Variants in HPSE2 observed in about 807,000 individuals in gnomAD.
The protein encoded by HPSE2 is inactive heparanase-2.
In HPSE2, 38 loss-of-function variants were observed where a neutral mutation model predicts 60.5. The ratio of observed to expected loss-of-function variants is 0.63; its 90% CI spans 0.48 to 0.82. The LOEUF (loss-of-function observed/expected upper bound fraction) is 0.82. HPSE2 is among the 40% of genes least tolerant of loss of function. HPSE2 has a pLI of 0.00. For missense variants in HPSE2, 713 were observed against 740.4 expected, an observed-to-expected ratio of 0.96 and a Z score of 0.43; for synonymous variants, 295 against 293.2, an observed-to-expected ratio of 1.01 and a Z score of -0.06.
chr10:98,482,645 A>T lies in HPSE2; in HGVS notation c.1604T>A (p.Leu535Gln). The change falls in exon 11 of 12, where the codon CTA (leucine) becomes CAA (glutamine). Residue 535 changes from leucine to glutamine, a missense_variant. Coordinates refer to ENST00000370552, the MANE Select transcript of HPSE2 (RefSeq NM_021828.5). ...YLLQPYGQEG[L>Q]KSKSVQLNGQ... Reference sequence around the variant, plus strand: ...TCAGGTTGGCACGTACTTGGACTTTAGGCCCTCCTGCCCATAGGGCTGCAG... The same window carrying T: ...TCAGGTTGGCACGTACTTGGACTTTTGGCCCTCCTGCCCATAGGGCTGCAG... 6.2e-7 allele frequency: 1 copy of T among 1,614,118 alleles called. No homozygotes were observed. Among genetic ancestry groups the T allele is most frequent in the Non-Finnish European group, 8.5e-7 (1 of 1,180,026 alleles).
At chr10:99,194,327 A>G (rs1000548532) in intron 2 of HPSE2, among the ~76,000 whole-genome samples, 2 of 151,966 alleles carry the variant, frequency 1.3e-5, no homozygotes, top group Middle Eastern at 3.2e-3. Context: ...AAAAGTAGAA[A>G]AACTTCAGAT....
At position 99,183,588 on chromosome 10, in the gene HPSE2, T is replaced by C. The variant is rs181806321; in HGVS notation, c.449-39189A>G. Among the ~76,000 whole-genome samples the C allele has an allele frequency of 1.4e-4, 21 of 152,334 alleles. No homozygotes were observed. The East Asian group carries it at 3.9e-3, about 28-fold the overall frequency. Reference sequence around the variant, plus strand: ...ATTGTTACATTTCTTCCCTGCTATATAAACCCCTAATTTTAGTCAATCAGG... The same window carrying C: ...ATTGTTACATTTCTTCCCTGCTATACAAACCCCTAATTTTAGTCAATCAGG... On this transcript the variant is annotated intron_variant, in intron 2 of 11. Transcript: ENST00000370552.
intron 3 of HPSE2, among the ~76,000 whole-genome samples, chr10:98,942,093 A>G (rs1349992195): frequency 7.0e-6 from 1 of 142,586 alleles, no homozygotes; most frequent in African/African-American, 2.9e-5. Flanking sequence ...GATGGATTAA[A>G]GACTTAAACA....
At chr10:98,523,720 A>G (rs1259751065) in intron 9 of HPSE2, among the ~76,000 whole-genome samples, 2 of 152,234 alleles carry the variant, frequency 1.3e-5, no homozygotes, top group African/African-American at 2.4e-5. Flanking sequence ...TTTTAAACAT[A>G]TAAGTGGGAT....
intron 3 of HPSE2, among the ~76,000 whole-genome samples, chr10:98,990,464 G>C (rs1196156662): frequency 2.0e-5 from 3 of 152,156 alleles, no homozygotes; most frequent in Non-Finnish European, 4.4e-5. Context: ...CCAAGTGATG[G>C]GGAGTGGCTG....
At chr10:99,089,932 G>C (rs985245570) in intron 3 of HPSE2, among the ~76,000 whole-genome samples, 1 of 152,008 alleles carries the variant, frequency 6.6e-6, no homozygotes, top group Non-Finnish European at 1.5e-5. Flanking sequence ...TTTTTCTGCA[G>C]CTATTGTAAA....
intron 6 of HPSE2, among the ~76,000 whole-genome samples, chr10:98,693,165 A>G (rs986936050): frequency 2.0e-5 from 3 of 152,220 alleles, no homozygotes; most frequent in Admixed American, 2.0e-4. Context: ...TAGACAAGAG[A>G]TGATTTGGAA....
At chr10:98,934,202 C>G (rs1472594805) in intron 3 of HPSE2, among the ~76,000 whole-genome samples, 3 of 144,300 alleles carry the variant, frequency 2.1e-5, no homozygotes, top group Non-Finnish European at 4.5e-5. Context: ...GAATACAGCA[C>G]ACCAACAGGT....
intron 9 of HPSE2, among the ~76,000 whole-genome samples, chr10:98,545,295 C>T (rs1943628816): frequency 6.6e-6 from 1 of 152,106 alleles, no homozygotes; most frequent in Admixed American, 6.6e-5. Context: ...TCCTCCCTAA[C>T]TCATTTTATG....
At chr10:99,179,323 T>C (rs1847661969) in intron 2 of HPSE2, among the ~76,000 whole-genome samples, 1 of 152,162 alleles carries the variant, frequency 6.6e-6, no homozygotes, top group South Asian at 2.1e-4. Context: ...AAAGAGGAAG[T>C]CAAATTGTCC....
chr10:98,840,909 G>T (rs1565202313), intron 3 of HPSE2, among the ~76,000 whole-genome samples: 1 of 152,070 alleles, frequency 6.6e-6, no homozygotes. Context: ...CACAATTCTT[G>T]GTTCATGACA....
chr10:98,615,124 A>C lies in HPSE2; in HGVS notation c.1206-106T>G, dbSNP rs533376900. On this transcript the variant is annotated intron_variant, in intron 8 of 11. Transcript: ENST00000370552. ...TACACATATACACCAATCTCCAGTC[A>C]CCAAATTTACCTAGTACTTTAAAAA... 5.2e-6 allele frequency: 4 copies of C among 768,652 alleles called. No homozygotes were observed. The South Asian group carries it at 5.7e-5, about 11-fold the overall frequency. 47.6% of individuals were successfully genotyped at this position (768,652 alleles called of 1,614,324 possible).
chr10:99,168,127 C>CACACAT (rs59686037), intron 2 of HPSE2, among the ~76,000 whole-genome samples: 143 of 145,790 alleles, frequency 9.8e-4, no homozygotes, highest in African/African-American at 3.5e-3. Context: ...CACACACACA[C>CACACAT]GGCTTTGTAG....
chr10:98,943,387 A>T (rs899239836), intron 3 of HPSE2, among the ~76,000 whole-genome samples: 15 of 152,104 alleles, frequency 9.9e-5, no homozygotes, highest in Admixed American at 7.9e-4. Flanking sequence ...TATATTACCT[A>T]TTAAAATAGC....
intron 3 of HPSE2, among the ~76,000 whole-genome samples, chr10:98,926,353 C>T (rs1013040223): frequency 7.9e-5 from 12 of 151,968 alleles, no homozygotes; most frequent in Admixed American, 1.3e-4. Context: ...TTAAATATAA[C>T]CAGATGGTAG....
At chr10:98,943,827 G>A (rs962302116) in intron 3 of HPSE2, among the ~76,000 whole-genome samples, 50 of 152,086 alleles carry the variant, frequency 3.3e-4, no homozygotes, top group African/African-American at 1.2e-3. Flanking sequence ...TTGAGCCTTC[G>A]GATTAGACTG....
At chr10:99,032,895 C>A (rs1401279606) in intron 3 of HPSE2, among the ~76,000 whole-genome samples, 3 of 152,208 alleles carry the variant, frequency 2.0e-5, no homozygotes, top group Admixed American at 6.5e-5. Flanking sequence ...CTAGGTCCTC[C>A]ACTTTTAAGG....
At chr10:98,662,270 T>C (rs184639312) in intron 6 of HPSE2, among the ~76,000 whole-genome samples, 1 of 152,192 alleles carries the variant, frequency 6.6e-6, no homozygotes, top group Admixed American at 6.5e-5. Context: ...TCCCAAAGGG[T>C]GCCCCCCCGG....
chr10:98,887,920 TATA>T (rs3979238), intron 3 of HPSE2, among the ~76,000 whole-genome samples: 14 of 147,538 alleles, frequency 9.5e-5, no homozygotes, highest in Admixed American at 9.5e-4. Context: ...AAACTTAATG[TATA>T]ATAATAATAA....
Sources: allele counts gnomAD v4.1 joint callset (sites outside exome capture counted in the v4.1 genomes callset), GRCh38; gene constraint gnomAD v4.1.1; transcripts MANE v1.5; gene names NCBI Gene and HGNC (gene_info 2026-07-23, HGNC 2026-07-21).